ADAMTS20: variants seen among roughly 807,000 people sequenced by gnomAD.
The protein encoded by ADAMTS20 is A disintegrin and metalloproteinase with thrombospondin motifs 20.
Under a neutral mutation model 260.1 loss-of-function variants are expected in ADAMTS20, and 225 were observed. That is an observed-to-expected ratio of 0.87 (90% CI 0.78 to 0.97). The LOEUF is 0.97. ADAMTS20 is among the 50% of genes least tolerant of loss of function. The pLI is 0.00. For missense variants in ADAMTS20, 2,400 were observed against 2,337.7 expected (o/e 1.03, Z -0.55); for synonymous variants, 802 against 769.5 (o/e 1.04, Z -0.70).
intron 29 of ADAMTS20, among the ~76,000 whole-genome samples, chr12:43,387,644 C>T (rs1382101807): frequency 6.6e-6 from 1 of 152,170 alleles, no homozygotes; most frequent in East Asian, 1.9e-4. Context: ...TATCTATAAG[C>T]TCCTGAATGG....
chr12:43,544,823 T>A (rs1198763850), intron 2 of ADAMTS20, among the ~76,000 whole-genome samples: 2 of 152,192 alleles, frequency 1.3e-5, no homozygotes, highest in South Asian at 2.1e-4. Context: ...TCATTAAAAC[T>A]TTTTGGTCTC....
rs752861858 is a variant in ADAMTS20 at position 43,492,608 on chromosome 12, C to A, written c.973G>T (p.Asp325Tyr). 1 of 1,613,690 alleles carries A rather than the reference C, an allele frequency of 6.2e-7. No individual in the cohort carries two copies. The highest frequency in any genetic ancestry group is 1.1e-5 in the South Asian group (1 of 91,058). ...AAGTTCTTTAATGTGGTAGCACCATCAAAATTAATGACTGGTCCTTCCTAT... is the reference window on the plus strand; with the variant it reads ...AAGTTCTTTAATGTGGTAGCACCATAAAAATTAATGACTGGTCCTTCCTAT... ...REEEGPVINF[D>Y]GATTLKNFCS... The change falls in exon 6 of 39, where the codon GAT becomes TAT. Residue 325 changes from aspartate to tyrosine, a missense_variant. Coordinates refer to ENST00000389420, the MANE Select transcript of ADAMTS20 (RefSeq NM_025003.5).
At chr12:43,362,484 T>C (rs987647420) in intron 37 of ADAMTS20, among the ~76,000 whole-genome samples, 23 of 152,096 alleles carry the variant, frequency 1.5e-4, no homozygotes, top group Admixed American at 1.2e-3. Context: ...AATGAGAACA[T>C]AGGATTCCTC....
chr12:43,501,503 A>ACACACACACACACACACACACACACACAC (rs1565574033), intron 4 of ADAMTS20, among the ~76,000 whole-genome samples: 1 of 96,872 alleles, frequency 1.0e-5, no homozygotes, highest in African/African-American at 4.6e-5. Flanking sequence ...ACACACACAC[A>ACACACACACACACACACACACACACACAC]TGTAAGGATG....
intron 3 of ADAMTS20, among the ~76,000 whole-genome samples, chr12:43,520,286 T>C (rs1330850236): frequency 6.6e-6 from 1 of 152,162 alleles, no homozygotes; most frequent in Admixed American, 6.6e-5. Flanking sequence ...GTTAAAGTTT[T>C]AACATCATGT....
chr12:43,439,397 G>C (rs918742663), intron 18 of ADAMTS20, among the ~76,000 whole-genome samples: 1 of 152,176 alleles, frequency 6.6e-6, no homozygotes, highest in Non-Finnish European at 1.5e-5. Context: ...GTAATAGATA[G>C]AGAAGGGTGA....
intron 4 of ADAMTS20, among the ~76,000 whole-genome samples, chr12:43,500,461 C>T (rs557304931): frequency 2.6e-5 from 4 of 152,186 alleles, no homozygotes; most frequent in African/African-American, 9.6e-5. Context: ...ATTAGAATCC[C>T]TTCATAATTT....
chr12:43,428,600 T>A (rs1474091569), intron 25 of ADAMTS20, 35 bp downstream of exon 25: 1 of 1,473,226 alleles, frequency 6.8e-7, no homozygotes, highest in South Asian at 1.5e-5. Flanking sequence ...ATATTTAAAT[T>A]TTTCATTTTC....
chr12:43,428,518 C>G lies in ADAMTS20; in HGVS notation c.3668G>C (p.Cys1223Ser). The change falls in exon 26 of 39, where the codon TGT becomes TCT. Residue 1223 changes from cysteine to serine, a missense_variant. Cys to Ser is a moderately radical substitution (Grantham distance 112). Transcript: ENST00000389420. The part of the protein sequence containing the change: ...AGDWSPCSAS[C>S]GHGKTTRQVL... ...TTGTCGAGTTGTTTTTCCATGGCCACAGGAAGCTGAACACTGATCAAAAAT... is the reference window on the plus strand; with the variant it reads ...TTGTCGAGTTGTTTTTCCATGGCCAGAGGAAGCTGAACACTGATCAAAAAT... The G allele has an allele frequency of 6.2e-7, 1 of 1,613,202 alleles. No individual in the cohort carries two copies. Among genetic ancestry groups the G allele is most frequent in the African/African-American group, 1.3e-5 (1 of 75,006 alleles).
chr12:43,394,723 A>C (rs984219640), intron 29 of ADAMTS20, among the ~76,000 whole-genome samples: 2 of 152,094 alleles, frequency 1.3e-5, no homozygotes, highest in African/African-American at 4.8e-5. Flanking sequence ...AGGATGAGCT[A>C]ATGTATAATG....
chr12:43,499,206 T>A (rs1340738663), intron 4 of ADAMTS20, among the ~76,000 whole-genome samples: 1 of 152,172 alleles, frequency 6.6e-6, no homozygotes, highest in African/African-American at 2.4e-5. Flanking sequence ...TGCATCTATC[T>A]CCCTAAGAAC....
At chr12:43,472,206 C>T (rs1231870596) in intron 7 of ADAMTS20, among the ~76,000 whole-genome samples, 5 of 147,770 alleles carry the variant, frequency 3.4e-5, no homozygotes, top group East Asian at 2.0e-4. Flanking sequence ...CCTCAGGAGC[C>T]GATGCGATCA....
chr12:43,437,824 A>G (rs1312587853), intron 18 of ADAMTS20, among the ~76,000 whole-genome samples: 1 of 152,212 alleles, frequency 6.6e-6, no homozygotes, highest in Admixed American at 6.5e-5. Context: ...GAAAATCTCA[A>G]AATGACAGTC....
In ADAMTS20 at chr12:43,444,661, C is replaced by T. The variant is rs559444942; in HGVS notation, c.2198-778G>A. Reference sequence around the variant, plus strand: ...CTCACATTACATAGTTGTCCAAATACGCAGGTTTTTAAATATACAATTAGT... The same window carrying T: ...CTCACATTACATAGTTGTCCAAATATGCAGGTTTTTAAATATACAATTAGT... On this transcript the variant is annotated intron_variant, in intron 15 of 38. Transcript: ENST00000389420. Among the ~76,000 whole-genome samples, 16 of 152,172 alleles carry T rather than the reference C, an allele frequency of 1.1e-4. No homozygotes were observed. In the East Asian group the frequency reaches 1.3e-3, roughly 13 times the overall value.
rs190764608 is a variant in ADAMTS20, at chr12:43,521,833, T to C, written c.613+10203A>G. On this transcript the variant is annotated intron_variant, in intron 3 of 38. Transcript: ENST00000389420. Reference sequence around the variant, plus strand: ...ACACCCGCACCTTACTCTCCTGATATAGTAAATGGGTTACTCTTTTCCACA... The same window carrying C: ...ACACCCGCACCTTACTCTCCTGATACAGTAAATGGGTTACTCTTTTCCACA... Among the ~76,000 whole-genome samples the C allele has an allele frequency of 8.9e-4, 136 of 152,238 alleles. 1 individual carries two copies. The highest frequency in any genetic ancestry group is 3.4e-3 in the Middle Eastern group (1 of 294).
At chr12:43,405,153 G>A (rs1940887626) in intron 28 of ADAMTS20, among the ~76,000 whole-genome samples, 1 of 146,870 alleles carries the variant, frequency 6.8e-6, no homozygotes, top group South Asian at 2.2e-4. Context: ...CAGCACTTTG[G>A]GAGGCTGAGG....
At chr12:43,459,629 T>C (rs906809532) in intron 11 of ADAMTS20, among the ~76,000 whole-genome samples, 3 of 152,216 alleles carry the variant, frequency 2.0e-5, no homozygotes, top group Non-Finnish European at 4.4e-5. Context: ...TGAGAAATAG[T>C]GTACCTAAAA....
chr12:43,454,071 C>T lies in ADAMTS20; in HGVS notation c.1615-19G>A, dbSNP rs765155332. 120 of 1,602,648 alleles carry T rather than the reference C, an allele frequency of 7.5e-5. No homozygotes were observed. The highest frequency in any genetic ancestry group is 9.8e-5 in the Non-Finnish European group (115 of 1,175,452). ...GGCAATGCTATAAAAATAATAAGCA[C>T]AAAAAGAAATGATGTGTGTCTCTAA... On this transcript the variant is annotated intron_variant, in intron 11 of 38. Coordinates refer to ENST00000389420, the MANE Select transcript of ADAMTS20 (RefSeq NM_025003.5).
At chr12:43,384,333 A>G (rs1175819105) in intron 29 of ADAMTS20, among the ~76,000 whole-genome samples, 1 of 152,212 alleles carries the variant, frequency 6.6e-6, no homozygotes, top group Non-Finnish European at 1.5e-5. Flanking sequence ...AATGTCAATT[A>G]AATTCTTAGA....
Sources: gnomAD v4.1 joint callset for allele counts (sites outside exome capture counted in the v4.1 genomes callset) on GRCh38, gnomAD v4.1.1 for gene constraint, MANE v1.5 for transcripts, NCBI Gene and HGNC (gene_info 2026-07-23, HGNC 2026-07-21) for gene names.